Variants in DEPDC5 observed in about 807,000 individuals in gnomAD.
DEPDC5 encodes the protein GATOR1 complex protein DEPDC5.
DEPDC5 carries 73 observed loss-of-function variants against 217.3 expected under a neutral mutation model. The observed-to-expected ratio is 0.34, with a 90% CI of 0.28 to 0.41. The LOEUF (loss-of-function observed/expected upper bound fraction) is 0.41, where lower values mean the gene tolerates loss of function less well. Among genes scored for constraint, DEPDC5 ranks in the 10% least tolerant of loss-of-function variants. The pLI, the probability that DEPDC5 is intolerant of heterozygous loss-of-function variation, is 1.00. For synonymous variants in DEPDC5, 733 were observed against 756.7 expected (o/e 0.97, Z 0.51); for missense variants, 1,675 against 2,070.1 (o/e 0.81, Z 3.70).
Position 31,861,378 on chromosome 22 carries a change from T to C in DEPDC5, c.3275T>C (p.Phe1092Ser). 1 of 1,551,574 alleles carries C rather than the reference T, an allele frequency of 6.4e-7. No individual in the cohort carries two copies. The stretch of plus-strand genomic sequence containing the variant: ...CTCCTGTGACTTCAGGACGGGGCCT[T>C]CTTTATGGAGTTTGTCCGCAGCCCA... ...YMDSPRKDGA[F>S]FMEFVRSPRT... Residue 1092 changes from phenylalanine (F) to serine (S), a missense_variant, in exon 33 of 43, where the codon TTC becomes TCC. Around this residue, in one of 11 missense-constraint regions of DEPDC5, gnomAD observed 126 missense variants for 113.8 expected, o/e 1.11. Coordinates refer to ENST00000651528, the MANE Select transcript of DEPDC5 (RefSeq NM_001242896.3).
intron 33 of DEPDC5, among the ~76,000 whole-genome samples, chr22:31,862,710 T>C (rs1263521817): frequency 1.3e-5 from 2 of 152,206 alleles, no homozygotes; most frequent in Non-Finnish European, 2.9e-5. Flanking sequence ...TAGTTAACAT[T>C]GGAACAGGTC....
In DEPDC5 at chr22:31,821,577, G is replaced by A; in HGVS notation, c.1946G>A (p.Arg649Lys). The A allele has an allele frequency of 6.2e-7, 1 of 1,614,206 alleles. No homozygotes were observed. Among genetic ancestry groups the A allele is most frequent in the Non-Finnish European group, 8.5e-7 (1 of 1,180,036 alleles). Residue 649 changes from arginine (R) to lysine (K), a missense_variant, in exon 23 of 43, where the codon AGG (arginine) becomes AAG (lysine). Physicochemically the swap from Arg to Lys is conservative, Grantham distance 26. Coordinates refer to ENST00000651528, the MANE Select transcript of DEPDC5 (RefSeq NM_001242896.3). ...NMAELQGSGQ[R>K]DPTHSSAELL... Reference sequence around the variant, plus strand: ...GCGGAGCTACAAGGCAGCGGGCAGAGGGATCCAACTCACTCCTCTGCAGAG... The same window carrying A: ...GCGGAGCTACAAGGCAGCGGGCAGAAGGATCCAACTCACTCCTCTGCAGAG...
chr22:31,876,094 C>T, intron 36 of DEPDC5, 63 bp from the exon 37 acceptor site: 3 of 1,492,804 alleles, frequency 2.0e-6, no homozygotes, highest in Non-Finnish European at 2.8e-6. Flanking sequence ...CAGAGCATGA[C>T]TGAGGGCTGC....
intron 38 of DEPDC5, among the ~76,000 whole-genome samples, chr22:31,885,187 C>T (rs1008329258): frequency 1.3e-5 from 2 of 152,154 alleles, no homozygotes; most frequent in South Asian, 2.1e-4. Context: ...CCAGCTCACT[C>T]GAAACCAAAG....
Position 31,815,139 on chromosome 22 carries a change from C to T in DEPDC5, c.1593C>T (p.Asn531=), listed in dbSNP as rs1320242704. The stretch of plus-strand genomic sequence containing the variant: ...ACAGCTCCCTAGGCAAGAGTGCCAA[C>T]ATCCTGATGATCCCACACCCCCACC... ...SDDSSLGKSA[N]ILMIPHPHLH... is the part of the protein sequence containing the mutation. The change falls in exon 21 of 43, where the codon AAC becomes AAT. Residue 531 remains asparagine, a synonymous_variant. Transcript: ENST00000651528. The T allele has an allele frequency of 6.2e-7, 1 of 1,614,214 alleles. No individual in the cohort carries two copies. Among genetic ancestry groups the T allele is most frequent in the African/African-American group, 1.3e-5 (1 of 75,068 alleles).
intron 32 of DEPDC5, among the ~76,000 whole-genome samples, chr22:31,859,496 A>C (rs772090972): frequency 6.6e-6 from 1 of 151,546 alleles, no homozygotes; most frequent in East Asian, 1.9e-4. Flanking sequence ...GGTTCAAGCA[A>C]TTCTCCTGCC....
chr22:31,829,232 T>G (rs747628797), intron 24 of DEPDC5, among the ~76,000 whole-genome samples: 2 of 152,166 alleles, frequency 1.3e-5, no homozygotes, highest in Non-Finnish European at 2.9e-5. Context: ...AACATTTCAT[T>G]CATTAAAAAA....
intron 33 of DEPDC5, among the ~76,000 whole-genome samples, chr22:31,864,403 C>A (rs1254713367): frequency 6.7e-6 from 1 of 149,438 alleles, no homozygotes; most frequent in Non-Finnish European, 1.5e-5. Flanking sequence ...ACCACCACAC[C>A]TGGCCCAGAT....
At chr22:31,795,052 C>T (rs2086082384) in intron 12 of DEPDC5, among the ~76,000 whole-genome samples, 1 of 150,010 alleles carries the variant, frequency 6.7e-6, no homozygotes, top group Non-Finnish European at 1.5e-5. Context: ...GATGTGATCA[C>T]ACATTCCATG....
At chr22:31,820,779 T>G (rs2089619547) in intron 22 of DEPDC5, among the ~76,000 whole-genome samples, 1 of 152,222 alleles carries the variant, frequency 6.6e-6, no homozygotes, top group Non-Finnish European at 1.5e-5. Context: ...ACAGTTTGCT[T>G]CGCTTCTTCC....
chr22:31,806,579 G>A (rs2087567037), intron 18 of DEPDC5, among the ~76,000 whole-genome samples: 1 of 152,198 alleles, frequency 6.6e-6, no homozygotes, highest in Admixed American at 6.5e-5. Flanking sequence ...TTAAGAGTTC[G>A]TTTTATTGTG....
At chr22:31,857,748 C>G (rs901969334) in intron 32 of DEPDC5, 195 bp downstream of exon 32, 1 of 481,308 alleles carries the variant, frequency 2.1e-6, no homozygotes, top group African/African-American at 2.0e-5. Flanking sequence ...TGTAAGGAAG[C>G]TAACTTCTAG....
chr22:31,802,037 ATAT>A (rs891492671), intron 14 of DEPDC5, among the ~76,000 whole-genome samples: 10 of 148,044 alleles, frequency 6.8e-5, no homozygotes, highest in African/African-American at 2.2e-4. Context: ...AATATATATA[ATAT>A]TAAAATAATA....
chr22:31,787,925 A>G (rs987562389), intron 10 of DEPDC5, among the ~76,000 whole-genome samples: 2 of 152,062 alleles, frequency 1.3e-5, no homozygotes, highest in African/African-American at 4.8e-5. Flanking sequence ...AATATGTAGA[A>G]CTTCTGTAAC....
intron 5 of DEPDC5, 87 bp from the exon 6 acceptor site, chr22:31,766,498 T>C (rs1466741710): frequency 1.5e-6 from 2 of 1,363,736 alleles, no homozygotes; most frequent in Non-Finnish European, 2.1e-6. Flanking sequence ...TTGCAATAAG[T>C]TTTTTTCCAT....
rs773450879 is a variant in DEPDC5, at chr22:31,906,271, A to G, written c.4586A>G (p.Asn1529Ser). 3.1e-6 allele frequency: 5 copies of G among 1,613,642 alleles called. No homozygotes were observed. The highest frequency in any genetic ancestry group is 3.4e-6 in the Non-Finnish European group (4 of 1,179,878). ...KFSGQQRRRR[N>S]STSSTNQNMF... The stretch of plus-strand genomic sequence containing the variant: ...TCAGGGCAGCAGCGGCGGCGGCGGA[A>G]CTCCACCAGCTCCACCAACCAGAAC... Residue 1529 changes from asparagine to serine, a missense_variant, in exon 43 of 43, where the codon AAC becomes AGC. By Grantham distance (46) the Asn-to-Ser change is conservative. Around this residue, in one of 11 missense-constraint regions of DEPDC5, gnomAD observed 182 missense variants for 290.1 expected, o/e 0.63. Transcript: ENST00000651528. This position sits in a 1 kb window ranked among gnomAD's most constrained non-coding sequence, Gnocchi z 5.1.
intron 20 of DEPDC5, among the ~76,000 whole-genome samples, chr22:31,813,503 A>G (rs1464470505): frequency 1.3e-5 from 2 of 152,106 alleles, no homozygotes; most frequent in African/African-American, 2.4e-5. Context: ...AGCTCTTACT[A>G]AAAAAATCCT....
chr22:31,870,940 A>G (rs971477149), intron 34 of DEPDC5, among the ~76,000 whole-genome samples, 196 bp downstream of exon 34: 6 of 152,224 alleles, frequency 3.9e-5, no homozygotes, highest in African/African-American at 1.4e-4. Context: ...TCCTCACAGG[A>G]TAGCTAAGAG....
intron 17 of DEPDC5, 34 bp downstream of exon 17, chr22:31,804,949 G>A (rs1412678432): frequency 1.3e-6 from 2 of 1,589,992 alleles, no homozygotes; most frequent in Non-Finnish European, 1.7e-6. Flanking sequence ...TAGGTGATAA[G>A]CGTTTTGAAC....
Sources: allele counts gnomAD v4.1 joint callset (sites outside exome capture counted in the v4.1 genomes callset), GRCh38; gene constraint gnomAD v4.1.1; regional missense constraint gnomAD v4.1.1; non-coding constraint Gnocchi (gnomAD v3.1); transcripts MANE v1.5; gene names NCBI Gene and HGNC (gene_info 2026-07-23, HGNC 2026-07-21).